The following ANKMY1 variants were observed in gnomAD, a reference collection of about 807,000 sequenced individuals.
ANKMY1 encodes the protein ankyrin repeat and MYND domain containing 1.
A neutral mutation model predicts 102.0 loss-of-function variants in ANKMY1; 98 were observed. The observed-to-expected ratio is 0.96, with a 90% CI of 0.82 to 1.14. The LOEUF (loss-of-function observed/expected upper bound fraction) is 1.14. ANKMY1 is among the 50% of genes most tolerant of loss of function. ANKMY1 has a pLI of 0.00. For synonymous variants in ANKMY1, 582 were observed against 559.9 expected (o/e 1.04, Z -0.56); for missense variants, 1,330 against 1,347.6 (o/e 0.99, Z 0.20).
rs1172201092 is a variant in ANKMY1, at chr2:240,526,074, G to A, written c.1170+155C>T. The A allele has an allele frequency of 8.8e-6, 9 of 1,025,926 alleles. No homozygotes were observed. The Admixed American group carries it at 1.5e-4, about 17-fold the overall frequency. 63.6% of individuals were successfully genotyped at this position (1,025,926 alleles called of 1,614,324 possible). On this transcript the variant is annotated intron_variant, in intron 6 of 17. Coordinates refer to ENST00000401804, the MANE Select transcript of ANKMY1 (RefSeq NM_001282771.3). Reference sequence around the variant, plus strand: ...CACGAGTGTCACACTCAGCTGAGTGGGTTTCTGCTGAACGGCGAGGTGGAG... The same window carrying A: ...CACGAGTGTCACACTCAGCTGAGTGAGTTTCTGCTGAACGGCGAGGTGGAG...
Position 240,499,905 on chromosome 2 carries a change from C to G in ANKMY1, c.2806+53G>C, listed in dbSNP as rs190285863. 1.4e-5 allele frequency: 21 copies of G among 1,545,596 alleles called. No homozygotes were observed. Among genetic ancestry groups the G allele is most frequent in the South Asian group, 3.6e-5 (3 of 82,942 alleles). Reference sequence around the variant, plus strand: ...TCTCCAGGGATAACAGCCCCAGGCACGAGGCCGGAACGCCGCCCTGTGGAG... The same window carrying G: ...TCTCCAGGGATAACAGCCCCAGGCAGGAGGCCGGAACGCCGCCCTGTGGAG... On this transcript the variant is annotated intron_variant, in intron 15 of 17. Coordinates refer to ENST00000401804, the MANE Select transcript of ANKMY1 (RefSeq NM_001282771.3). The surrounding 1 kb of genome is among the most constrained non-coding windows in gnomAD (Gnocchi z 4.2).
At chr2:240,470,739 G>A in the ANKMY1 span, among the ~76,000 whole-genome samples, 1 of 152,170 alleles carries the variant, frequency 6.6e-6, no homozygotes, top group African/African-American at 2.4e-5. Flanking sequence ...TGTTGACTTT[G>A]AAAAGATCAC....
downstream of ANKMY1, among the ~76,000 whole-genome samples, chr2:240,478,556 G>A (rs1410666105): frequency 2.0e-5 from 3 of 152,068 alleles, no homozygotes; most frequent in African/African-American, 7.2e-5. Context: ...AGCCGATGCA[G>A]GGGTACAAAG....
chr2:240,484,761 G>A (rs1234308476), intron 15 of ANKMY1, among the ~76,000 whole-genome samples: 2 of 152,148 alleles, frequency 1.3e-5, no homozygotes, highest in Admixed American at 1.3e-4. Flanking sequence ...AGAGTGAACA[G>A]GCAACCTACA....
rs1308373846 is a variant in ANKMY1, at chr2:240,509,327, G to C, written c.2394+21C>G. On this transcript the variant is annotated intron_variant, in intron 12 of 17. Coordinates refer to ENST00000401804, the MANE Select transcript of ANKMY1 (RefSeq NM_001282771.3). ...CGGAAACACATAGGTGCACAGGTCT[G>C]TGGGTACAGAACATGCTCACCAGCT... 2.5e-6 allele frequency: 4 copies of C among 1,593,142 alleles called. No individual in the cohort carries two copies. In the East Asian group the frequency reaches 9.0e-5, roughly 36 times the overall value.
chr2:240,531,560 A>G (rs2085397291), intron 4 of ANKMY1, among the ~76,000 whole-genome samples: 1 of 152,220 alleles, frequency 6.6e-6, no homozygotes, highest in Non-Finnish European at 1.5e-5. Flanking sequence ...ATTTTTTTAA[A>G]TTGACTGAAA....
intron 4 of ANKMY1, among the ~76,000 whole-genome samples, chr2:240,542,638 T>G (rs980540174): frequency 1.3e-5 from 2 of 151,996 alleles, no homozygotes; most frequent in Non-Finnish European, 2.9e-5. Context: ...GAGTTTGTAT[T>G]GCTATCTCAC....
At position 240,520,667 on chromosome 2, in the gene ANKMY1, CACACAGCACACACCCACACACGCAG is replaced by C. The variant is rs2082046893; in HGVS notation, c.1833-159_1833-135del. 2.8e-6 allele frequency: 3 copies of C among 1,088,094 alleles called. No individual in the cohort carries two copies. In the East Asian group the frequency reaches 7.8e-5, roughly 28 times the overall value. The allele number at this position is 1,088,094 out of a possible 1,614,324, so 67.4% of individuals were successfully genotyped here. A position where few individuals can be genotyped will look rare whatever the true frequency, so the allele number is the denominator to read the frequency against. On this transcript the variant is annotated intron_variant, in intron 8 of 17. Coordinates refer to ENST00000401804, the MANE Select transcript of ANKMY1 (RefSeq NM_001282771.3). The surrounding 1 kb of genome is among the most constrained non-coding windows in gnomAD (Gnocchi z 4.8). The stretch of plus-strand genomic sequence containing the variant: ...TGTGTGCCGCAACTACACAATCACA[CACACAGCACACACCCACACACGCAG>C]ACACACCACACAGCACACAACTACA...
chr2:240,498,613 G>A (rs532745057), intron 15 of ANKMY1, among the ~76,000 whole-genome samples: 36 of 152,020 alleles, frequency 2.4e-4, no homozygotes, highest in Non-Finnish European at 5.1e-4. Context: ...TGGGCCTGTG[G>A]CTGGCTAAAT....
intron 8 of ANKMY1, among the ~76,000 whole-genome samples, chr2:240,521,133 G>A (rs1359612183): frequency 1.3e-5 from 2 of 152,188 alleles, no homozygotes; most frequent in East Asian, 1.9e-4. Flanking sequence ...GGCTGAGGGA[G>A]GAGGGGACTG....
intron 3 of ANKMY1, 107 bp from the exon 4 acceptor site, chr2:240,553,164 AG>A: frequency 1.5e-6 from 2 of 1,348,036 alleles, no homozygotes; most frequent in Non-Finnish European, 2.0e-6. Context: ...GGGACCACCC[AG>A]GGCTGTGGCA....
chr2:240,473,230 T>A, the ANKMY1 span, among the ~76,000 whole-genome samples: 1 of 120,482 alleles, frequency 8.3e-6, no homozygotes, highest in African/African-American at 3.2e-5. Flanking sequence ...TTCAAAACAA[T>A]CATCTTAAAA....
At position 240,525,747 on chromosome 2, in the gene ANKMY1, G is replaced by A. The variant is rs2083236152; in HGVS notation, c.1273C>T (p.Leu425Phe). ...TTGAAGGACTGGGCGGGGTAGTGGA[G>A]GAGGAAACACATGCTGAGTGCCGTG... The part of the protein sequence containing the change: ...GLTALSMCFL[L>F]HYPAQSFKPN... Residue 425 changes from leucine to phenylalanine, a missense_variant, in exon 7 of 18, where the codon CTC becomes TTC. Transcript: ENST00000401804. The A allele has an allele frequency of 3.1e-6, 5 of 1,614,156 alleles. No homozygotes were observed. The highest frequency in any genetic ancestry group is 1.1e-5 in the South Asian group (1 of 91,086).
At chr2:240,534,792 GT>G (rs1410599545) in intron 4 of ANKMY1, among the ~76,000 whole-genome samples, 1 of 152,036 alleles carries the variant, frequency 6.6e-6, no homozygotes, top group Non-Finnish European at 1.5e-5. Context: ...GGAATGAGCA[GT>G]CAAAAAAAGC....
At chr2:240,542,441 T>C (rs370672622) in intron 4 of ANKMY1, among the ~76,000 whole-genome samples, 13 of 151,722 alleles carry the variant, frequency 8.6e-5, no homozygotes, top group East Asian at 7.8e-4. Flanking sequence ...GAGGTGGAGG[T>C]TGCAGTGAGC....
At chr2:240,558,146 G>C (rs2092622053), upstream of ANKMY1, 1 of 211,858 alleles carries the variant, frequency 4.7e-6, no homozygotes, top group Non-Finnish European at 8.1e-6. Context: ...GCGGGCCTCG[G>C]TGCCAGCCTC....
At chr2:240,533,329 C>T (rs538396716) in intron 4 of ANKMY1, among the ~76,000 whole-genome samples, 24 of 151,758 alleles carry the variant, frequency 1.6e-4, no homozygotes, top group East Asian at 9.7e-4. Flanking sequence ...AGATAGCAGA[C>T]GTAAAGCAAG....
chr2:240,481,746 G>A (rs1334704856), intron 16 of ANKMY1, among the ~76,000 whole-genome samples: 1 of 152,184 alleles, frequency 6.6e-6, no homozygotes, highest in African/African-American at 2.4e-5. Flanking sequence ...AGAGGCCAGT[G>A]GTGGAGGGAG....
chr2:240,512,669 G>T, intron 10 of ANKMY1, 133 bp downstream of exon 10: 2 of 1,241,108 alleles, frequency 1.6e-6, no homozygotes, highest in Non-Finnish European at 1.1e-6. Flanking sequence ...TTCTATGCAG[G>T]ATTTCCACTG....
Sources: allele counts gnomAD v4.1 joint callset (sites outside exome capture counted in the v4.1 genomes callset), GRCh38; gene constraint gnomAD v4.1.1; non-coding constraint Gnocchi (gnomAD v3.1); transcripts MANE v1.5; gene names NCBI Gene and HGNC (gene_info 2026-07-23, HGNC 2026-07-21).